The following SRRM1 variants were observed in gnomAD, a reference collection of about 807,000 sequenced individuals.
The protein encoded by SRRM1 is serine and arginine repetitive matrix 1, also known as serine/arginine repetitive matrix protein 1.
A neutral mutation model predicts 110.2 loss-of-function variants in SRRM1; 19 were observed. That is an observed-to-expected ratio of 0.17 (90% confidence interval 0.12 to 0.25). The LOEUF (loss-of-function observed/expected upper bound fraction) is 0.25, where lower values mean the gene tolerates loss of function less well. SRRM1 is among the 10% of genes least tolerant of loss of function. SRRM1 has a pLI of 1.00. For missense variants in SRRM1, 918 were observed against 1,145.8 expected, an observed-to-expected ratio of 0.80 and a Z score of 2.87; for synonymous variants, 443 against 414.9, an observed-to-expected ratio of 1.07 and a Z score of -0.82.
chr1:24,668,081 C>G (rs1251235786), intron 13 of SRRM1, among the ~76,000 whole-genome samples: 2 of 147,912 alleles, frequency 1.4e-5, no homozygotes, highest in African/African-American at 5.0e-5. Context: ...AAGCGATTCT[C>G]CTGCCTCAGC....
At chr1:24,669,995 A>C (rs1671920209) in intron 14 of SRRM1, 125 bp from the exon 15 acceptor site, 2 of 901,086 alleles carry the variant, frequency 2.2e-6, no homozygotes, top group Non-Finnish European at 3.4e-6. Context: ...TGTTAGTTGA[A>C]TCAACCAGCA....
chr1:24,671,553 A>T lies in SRRM1; in HGVS notation c.2568A>T (p.Thr856=), dbSNP rs1235233920. 1.2e-6 allele frequency: 2 copies of T among 1,606,124 alleles called. No individual in the cohort carries two copies. Among genetic ancestry groups the T allele is most frequent in the African/African-American group, 2.7e-5 (2 of 74,216 alleles). ...TPAAIAAATT[T]LAQEEPVAAP... ...CAGCCATTGCAGCTGCCACAACCAC[A>T]TTAGCACAGGAAGAGCCAGTGGCAG... Residue 856 remains threonine (T), a synonymous_variant, in exon 16 of 17, where the codon ACA becomes ACT. Transcript: ENST00000323848.
At chr1:24,644,534 C>T (rs1656152043) in intron 1 of SRRM1, among the ~76,000 whole-genome samples, 1 of 152,182 alleles carries the variant, frequency 6.6e-6, no homozygotes, top group Non-Finnish European at 1.5e-5. Context: ...CCGAATTGGA[C>T]ATTGAAATCC....
chr1:24,652,366 T>C (rs1244269124), intron 6 of SRRM1, 68 bp from the exon 7 acceptor site: 1 of 1,124,294 alleles, frequency 8.9e-7, no homozygotes, highest in Non-Finnish European at 1.2e-6. Flanking sequence ...TATTACATCA[T>C]TGTGTAATGA....
intron 9 of SRRM1, 29 bp downstream of exon 9, chr1:24,655,158 T>G: frequency 6.2e-7 from 1 of 1,608,708 alleles, no homozygotes; most frequent in Non-Finnish European, 8.5e-7. Flanking sequence ...TGAAACATGG[T>G]CTCTCTTTCT....
chr1:24,659,809 T>TA (rs1306851416), intron 9 of SRRM1, among the ~76,000 whole-genome samples: 3 of 152,242 alleles, frequency 2.0e-5, no homozygotes, highest in Non-Finnish European at 2.9e-5. Context: ...ATTTCTATGT[T>TA]ATTGGTAAAA....
At chr1:24,652,887 G>A in intron 7 of SRRM1, 26 bp from the exon 8 acceptor site, 1 of 1,605,776 alleles carries the variant, frequency 6.2e-7, no homozygotes, top group South Asian at 1.1e-5. Context: ...GGTTTATTCA[G>A]GACCTAATTC....
In SRRM1 at chr1:24,660,702, C is replaced by T. The variant is rs776763066; in HGVS notation, c.1316-17C>T. ...TTTTTTGTACGTAAGCTTTTTTCCA[C>T]TCTTATTCTTTTTTAGTGACAAAAC... is the stretch of plus-strand genomic sequence containing the variant. On this transcript the variant is annotated splice_polypyrimidine_tract_variant and intron_variant, in intron 9 of 16. Transcript: ENST00000323848. 2.7e-6 allele frequency: 4 copies of T among 1,475,592 alleles called. No individual in the cohort carries two copies. Among genetic ancestry groups the T allele is most frequent in the South Asian group, 1.3e-5 (1 of 76,102 alleles). The allele number at this position is 1,475,592 out of a possible 1,614,324, so 91.4% of individuals were successfully genotyped here. A position where few individuals can be genotyped will look rare whatever the true frequency, so the allele number is the denominator to read the frequency against.
intron 1 of SRRM1, chr1:24,643,855 C>A (rs1398388584): frequency 6.5e-6 from 1 of 153,434 alleles, no homozygotes; most frequent in African/African-American, 2.4e-5. Flanking sequence ...CCCTCCCCGC[C>A]CCCCAACGTC....
rs1486737328 is a variant in SRRM1 at position 24,662,705 on chromosome 1, C to G, written c.1529C>G (p.Ser510Cys). 2.5e-6 allele frequency: 4 copies of G among 1,614,116 alleles called. No individual in the cohort carries two copies. Among genetic ancestry groups the G allele is most frequent in the Non-Finnish European group, 3.4e-6 (4 of 1,180,010 alleles). The change falls in exon 12 of 17, where the codon TCC becomes TGC. Residue 510 changes from serine (S) to cysteine (C), a missense_variant. Ser to Cys is a moderately radical substitution (Grantham distance 112, BLOSUM62 -1). This residue lies in a region of SRRM1 where 357 missense variants were observed against 402.9 expected (regional missense o/e 0.89). Coordinates refer to ENST00000323848, the MANE Select transcript of SRRM1 (RefSeq NM_005839.4). ...TCAGAAGATGAACGACCCAAGAGAT[C>G]CCATGTGAAGAATGGTGAGGTTGGC... is the stretch of plus-strand genomic sequence containing the variant. ...SSSEDERPKR[S>C]HVKNGEVGRR...
intron 13 of SRRM1, 85 bp from the exon 14 acceptor site, chr1:24,669,038 A>G: frequency 1.8e-6 from 2 of 1,097,128 alleles, no homozygotes; most frequent in South Asian, 1.5e-5. Context: ...TGCTAACTAC[A>G]GTATAGCCAA....
chr1:24,654,277 A>G (rs1662732301), intron 8 of SRRM1: 1 of 1,288,086 alleles, frequency 7.8e-7, no homozygotes, highest in Non-Finnish European at 1.0e-6. Flanking sequence ...TTTTTATCTC[A>G]CACTTAAGGT....
Position 24,666,941 on chromosome 1 carries a change from T to C in SRRM1, c.1739+16T>C, listed in dbSNP as rs773786625. The C allele has an allele frequency of 1.1e-5, 17 of 1,576,454 alleles. No homozygotes were observed. The African/African-American group carries it at 1.4e-4, about 13-fold the overall frequency. On this transcript the variant is annotated intron_variant, in intron 13 of 16. Transcript: ENST00000323848. ...CACGACGAAGGTACTTTGTCAAATA[T>C]GCTAACTGGAGCATCTCCCCAACTC...
chr1:24,654,050 A>G (rs1662603615), intron 8 of SRRM1, among the ~76,000 whole-genome samples: 1 of 152,180 alleles, frequency 6.6e-6, no homozygotes, highest in Non-Finnish European at 1.5e-5. Flanking sequence ...GTGCTCATAG[A>G]GGAAATTAGT....
intron 6 of SRRM1, 100 bp downstream of exon 6, chr1:24,651,712 T>G (rs1201076132): frequency 1.0e-6 from 1 of 976,184 alleles, no homozygotes; most frequent in Non-Finnish European, 1.5e-6. Flanking sequence ...TATTTTCCTT[T>G]TAGATTTTTT....
chr1:24,672,100 T>A, intron 16 of SRRM1, 82 bp from the exon 17 acceptor site: 2 of 1,069,686 alleles, frequency 1.9e-6, no homozygotes. Flanking sequence ...GATGTTCCCC[T>A]CCCACACTTT....
At position 24,669,552 on chromosome 1, in the gene SRRM1, A is replaced by T; in HGVS notation, c.2169A>T (p.Arg723Ser). 6.2e-7 allele frequency: 1 copy of T among 1,601,616 alleles called. No homozygotes were observed. Among genetic ancestry groups the T allele is most frequent in the South Asian group, 1.1e-5 (1 of 89,504 alleles). The part of the protein sequence containing the change: ...SPSPSTRPIR[R>S]VSRTPEPKKI... ...CTCCAAGTACTAGGCCCATTAGGAG[A>T]GTCTCCAGGACTCCGGAACCTAAAA... Residue 723 changes from arginine to serine, a missense_variant, in exon 14 of 17, where the codon AGA becomes AGT. By Grantham distance (110) the Arg-to-Ser change is moderately radical. Coordinates refer to ENST00000323848, the MANE Select transcript of SRRM1 (RefSeq NM_005839.4).
At chr1:24,669,794 C>A in intron 14 of SRRM1, 1 of 583,812 alleles carries the variant, frequency 1.7e-6, no homozygotes, top group Non-Finnish European at 3.0e-6. Context: ...TGGTTCTTAG[C>A]AGTTATTAAT....
chr1:24,667,034 G>A, intron 13 of SRRM1, 109 bp downstream of exon 13: 1 of 651,628 alleles, frequency 1.5e-6, no homozygotes, highest in South Asian at 2.0e-5. Context: ...GAGAGGCACA[G>A]CTCATGTGTG....
Sources: allele counts gnomAD v4.1 joint callset (sites outside exome capture counted in the v4.1 genomes callset), GRCh38; gene constraint gnomAD v4.1.1; regional missense constraint gnomAD v4.1.1; transcripts MANE v1.5; gene names NCBI Gene and HGNC (gene_info 2026-07-23, HGNC 2026-07-21).